Variants in DMPK observed in about 807,000 individuals in gnomAD.
DMPK encodes the protein DM1 protein kinase, also known as myotonin-protein kinase.
A neutral mutation model predicts 70.3 loss-of-function variants in DMPK; 32 were observed. The observed-to-expected ratio is 0.46, with a 90% confidence interval of 0.34 to 0.61. The LOEUF (loss-of-function observed/expected upper bound fraction) is 0.61, where lower values mean the gene tolerates loss of function less well. Ranked by LOEUF, DMPK falls within the 20% of genes least tolerant of loss-of-function variation. DMPK has a pLI of 0.01. For synonymous variants in DMPK, 469 were observed against 390.9 expected (o/e 1.20, Z -2.36); for missense variants, 899 against 886.0 (o/e 1.01, Z -0.19).
chr19:45,771,968 TG>T (rs1298688197), intron 10 of DMPK, 40 bp from the exon 11 acceptor site: 3 of 1,521,816 alleles, frequency 2.0e-6, no homozygotes, highest in Non-Finnish European at 2.7e-6. Context: ...CTGTGGCTCC[TG>T]GAAGACTCAG....
Position 45,782,221 on chromosome 19 carries a change from G to T in DMPK, c.132C>A (p.Asp44Glu). The T allele has an allele frequency of 6.2e-7, 1 of 1,600,032 alleles. No individual in the cohort carries two copies. The highest frequency in any genetic ancestry group is 8.5e-7 in the Non-Finnish European group (1 of 1,174,812). Residue 44 changes from aspartate to glutamate, a missense_variant, in exon 1 of 15, where the codon GAC (aspartate) becomes GAA (glutamate). Physicochemically the swap from Asp to Glu is conservative, Grantham distance 45. Coordinates refer to ENST00000291270, the MANE Select transcript of DMPK (RefSeq NM_004409.5). ...QELGASELAQ[D>E]KYVADFLQWA... ...ACTGCAAGAAGTCGGCCACGTACTT[G>T]TCCTGGGCCAGTTCGGAGGCGCCCA...
rs775989938 is a variant in DMPK at position 45,771,864 on chromosome 19, T to G, written c.1409A>C (p.Glu470Ala). The change falls in exon 11 of 15, where the codon GAG (glutamate) becomes GCG (alanine). Residue 470 changes from glutamate (E) to alanine (A), a missense_variant. Coordinates refer to ENST00000291270, the MANE Select transcript of DMPK (RefSeq NM_004409.5). Reference protein sequence around the residue: ...AEAEAEVTLRELQEALEEEVL... With the variant: ...AEAEAEVTLRALQEALEEEVL... ...CTCCTCCTCCAGGGCTTCCTGGAGC[T>G]CCCGCAGCGTCACCTCGGCCTCAGC... The G allele has an allele frequency of 6.3e-7, 1 of 1,583,440 alleles. No individual in the cohort carries two copies. Among genetic ancestry groups the G allele is most frequent in the Admixed American group, 1.8e-5 (1 of 55,754 alleles).
chr19:45,771,604 C>G lies in DMPK; in HGVS notation c.1564G>C (p.Glu522Gln). Reference protein sequence around the residue: ...DLEAHVRQLQERMELLQAEGA... With the variant: ...DLEAHVRQLQQRMELLQAEGA... ...TCTGCCTGCAGCAACTCCATCCGCTCCTGCAACTGCCGGACGTGTGCCTCT... is the reference window on the plus strand; with the variant it reads ...TCTGCCTGCAGCAACTCCATCCGCTGCTGCAACTGCCGGACGTGTGCCTCT... Residue 522 changes from glutamate (E) to glutamine (Q), a missense_variant, in exon 12 of 15, where the codon GAG becomes CAG. Glu to Gln is a conservative substitution (Grantham distance 29). Coordinates refer to ENST00000291270, the MANE Select transcript of DMPK (RefSeq NM_004409.5). The G allele has an allele frequency of 1.2e-6, 2 of 1,614,048 alleles. No homozygotes were observed. The highest frequency in any genetic ancestry group is 1.1e-5 in the South Asian group (1 of 91,090).
intron 1 of DMPK, 73 bp from the exon 2 acceptor site, chr19:45,779,942 C>CCT: frequency 6.2e-7 from 1 of 1,607,218 alleles, no homozygotes; most frequent in Non-Finnish European, 8.5e-7. Flanking sequence ...AAAGCCCCAC[C>CCT]CTCTGTCTGT....
rs1052176549 is a variant in DMPK, at chr19:45,778,040, C to T, written c.675+87G>A. ...CCTGGGTCACACCACCTCTTTTCCC[C>T]TCCAAATCCAGTCCCGCTCCCACAC... On this transcript the variant is annotated intron_variant, in intron 6 of 14. Transcript: ENST00000291270. The T allele has an allele frequency of 3.9e-5, 51 of 1,324,134 alleles. No individual in the cohort carries two copies. The Middle Eastern group carries it at 7.2e-4, about 19-fold the overall frequency. 82.0% of individuals were successfully genotyped at this position (1,324,134 alleles called of 1,614,324 possible). A position where few individuals can be genotyped will look rare whatever the true frequency, so the allele number is the denominator to read the frequency against.
intron 13 of DMPK, 24 bp from the exon 14 acceptor site, chr19:45,771,084 C>T (rs960503225): frequency 1.3e-6 from 2 of 1,511,972 alleles, no homozygotes; most frequent in Non-Finnish European, 1.8e-6. Flanking sequence ...GGACAGGTGA[C>T]CCGATCGGAG....
intron 2 of DMPK, 92 bp downstream of exon 2, chr19:45,779,686 G>A (rs1970007123): frequency 8.5e-6 from 13 of 1,532,670 alleles, no homozygotes; most frequent in Non-Finnish European, 1.0e-5. Context: ...AGGTTCTAAG[G>A]CTCGGTCATT....
Position 45,777,596 on chromosome 19 carries a change from C to G in DMPK, c.883-6G>C, listed in dbSNP as rs1969846677. On this transcript the variant is annotated splice_region_variant and splice_polypyrimidine_tract_variant and intron_variant, in intron 7 of 14. Transcript: ENST00000291270. The surrounding 1 kb of genome is among the most constrained non-coding windows in gnomAD (Gnocchi z 6.7). Reference sequence around the variant, plus strand: ...AGCGGCAGAGAGAGGTGCTCCTGCTCAGAGGGAGAGGAGGCGATAGCCTGG... The same window carrying G: ...AGCGGCAGAGAGAGGTGCTCCTGCTGAGAGGGAGAGGAGGCGATAGCCTGG... The G allele has an allele frequency of 6.2e-7, 1 of 1,613,104 alleles. No homozygotes were observed. Among genetic ancestry groups the G allele is most frequent in the East Asian group, 2.2e-5 (1 of 44,870 alleles).
rs1415285669 is a variant in DMPK at position 45,777,942 on chromosome 19, C to T, written c.676-69G>A. On this transcript the variant is annotated intron_variant, in intron 6 of 14. Coordinates refer to ENST00000291270, the MANE Select transcript of DMPK (RefSeq NM_004409.5). This position sits in a 1 kb window ranked among gnomAD's most constrained non-coding sequence, Gnocchi z 6.7. ...GGCCCACCAGCTCTGGGCCCTCCTT[C>T]CAACCACTCCCCAAATGCTTAGCCC... 9 of 1,437,060 alleles carry T rather than the reference C, an allele frequency of 6.3e-6. No homozygotes were observed. Among genetic ancestry groups the T allele is most frequent in the Non-Finnish European group, 8.6e-6 (9 of 1,051,166 alleles). The allele number at this position is 1,437,060 out of a possible 1,614,324, so 89.0% of individuals were successfully genotyped here. A position where few individuals can be genotyped will look rare whatever the true frequency, so the allele number is the denominator to read the frequency against.
intron 9 of DMPK, 68 bp downstream of exon 9, chr19:45,774,881 C>A (rs940659693): frequency 2.4e-6 from 3 of 1,268,196 alleles, no homozygotes; most frequent in East Asian, 4.6e-5. Context: ...CATTGGCTGC[C>A]AAGGAGCAGG....
In DMPK at chr19:45,777,013, C is replaced by G; in HGVS notation, c.1146+314G>C. 3.1e-6 allele frequency: 1 copy of G among 327,220 alleles called. No individual in the cohort carries two copies. Among genetic ancestry groups the G allele is most frequent in the South Asian group, 8.3e-5 (1 of 11,984 alleles). 20.3% of individuals were successfully genotyped at this position (327,220 alleles called of 1,614,324 possible). ...TCCTGCTTCTCATCCCTCCAAGTCTCAGCTCAGATAGCTCCCCACTCCAGA... is the reference window on the plus strand; with the variant it reads ...TCCTGCTTCTCATCCCTCCAAGTCTGAGCTCAGATAGCTCCCCACTCCAGA... On this transcript the variant is annotated intron_variant, in intron 8 of 14. Coordinates refer to ENST00000291270, the MANE Select transcript of DMPK (RefSeq NM_004409.5). This position sits in a 1 kb window ranked among gnomAD's most constrained non-coding sequence, Gnocchi z 6.7.
intron 9 of DMPK, among the ~76,000 whole-genome samples, chr19:45,773,860 C>G (rs1476053802): frequency 6.6e-6 from 1 of 151,802 alleles, no homozygotes; most frequent in Non-Finnish European, 1.5e-5. Context: ...TCAGGCTGGT[C>G]TTGAACTCCT....
intron 14 of DMPK, 103 bp downstream of exon 14, chr19:45,770,868 C>T: frequency 9.5e-7 from 1 of 1,050,212 alleles, no homozygotes; most frequent in Non-Finnish European, 1.3e-6. Flanking sequence ...ATCCGCCCTC[C>T]TGCCGTGGGC....
intron 10 of DMPK, 52 bp from the exon 11 acceptor site, chr19:45,771,980 G>T (rs1969487900): frequency 1.3e-6 from 2 of 1,500,444 alleles, no homozygotes; most frequent in Middle Eastern, 1.8e-4. Flanking sequence ...GAAGACTCAG[G>T]ACTTGGGCAC....
chr19:45,777,316 C>T lies in DMPK; in HGVS notation c.1146+11G>A. On this transcript the variant is annotated intron_variant, in intron 8 of 14. Coordinates refer to ENST00000291270, the MANE Select transcript of DMPK (RefSeq NM_004409.5). This position sits in a 1 kb window ranked among gnomAD's most constrained non-coding sequence, Gnocchi z 6.7. ...GGTTCCCGCAGCCGAGCAGGGGCCA[C>T]AGGTACCTACCCCGCCCCCGCTCAC... is the stretch of plus-strand genomic sequence containing the variant. 6.4e-7 allele frequency: 1 copy of T among 1,552,458 alleles called. No homozygotes were observed. Among genetic ancestry groups the T allele is most frequent in the Non-Finnish European group, 8.7e-7 (1 of 1,147,694 alleles).
rs1969821925 is a variant in DMPK, at chr19:45,777,273, A to G, written c.1146+54T>C. 4.0e-6 allele frequency: 6 copies of G among 1,504,112 alleles called. No homozygotes were observed. The highest frequency in any genetic ancestry group is 5.3e-6 in the Non-Finnish European group (6 of 1,128,428). 93.2% of individuals were successfully genotyped at this position (1,504,112 alleles called of 1,614,324 possible). A position where few individuals can be genotyped will look rare whatever the true frequency, so the allele number is the denominator to read the frequency against. On this transcript the variant is annotated intron_variant, in intron 8 of 14. Coordinates refer to ENST00000291270, the MANE Select transcript of DMPK (RefSeq NM_004409.5). The surrounding 1 kb of genome is among the most constrained non-coding windows in gnomAD (Gnocchi z 6.7). ...TAGGCACTGTCCTTACTCCAACTTT[A>G]TGGAGGGAGCATGGGGAGGTTCCCG...
At chr19:45,773,308 C>T (rs1969579794) in intron 9 of DMPK, among the ~76,000 whole-genome samples, 1 of 152,242 alleles carries the variant, frequency 6.6e-6, no homozygotes, top group Non-Finnish European at 1.5e-5. Flanking sequence ...CTATCCTGGA[C>T]ATGCGCCTGG....
intron 1 of DMPK, 67 bp downstream of exon 1, chr19:45,782,126 T>G (rs1299735526): frequency 7.0e-6 from 3 of 425,698 alleles, no homozygotes; most frequent in Non-Finnish European, 7.2e-6. Flanking sequence ...GCCAGGCCTC[T>G]GTGCCCAGAC....
At position 45,772,520 on chromosome 19, in the gene DMPK, G is replaced by C. The variant is rs570457920; in HGVS notation, c.1344+121C>G. 5 of 595,190 alleles carry C rather than the reference G, an allele frequency of 8.4e-6. No homozygotes were observed. In the South Asian group the frequency reaches 1.1e-4, roughly 13 times the overall value. 36.9% of individuals were successfully genotyped at this position (595,190 alleles called of 1,614,324 possible). On this transcript the variant is annotated intron_variant, in intron 10 of 14. Transcript: ENST00000291270. ...TCTGAAGTAACCTCGTCTCTCCGTG[G>C]TTTCTGTCTGCTTCTGTTCAGGAAG...
Sources: gnomAD v4.1 joint callset for allele counts (sites outside exome capture counted in the v4.1 genomes callset) on GRCh38, gnomAD v4.1.1 for gene constraint, Gnocchi (gnomAD v3.1) non-coding constraint, MANE v1.5 for transcripts, NCBI Gene and HGNC (gene_info 2026-07-23, HGNC 2026-07-21) for gene names.